CCSER1: variants seen among roughly 807,000 people sequenced by gnomAD.
CCSER1 encodes coiled-coil serine rich protein 1.
A neutral mutation model predicts 82.0 loss-of-function variants in CCSER1; 41 were observed. That is an observed-to-expected ratio of 0.50 (90% CI 0.39 to 0.65). The LOEUF (loss-of-function observed/expected upper bound fraction) is 0.65, where lower values mean the gene tolerates loss of function less well. Ranked by LOEUF, CCSER1 falls within the 30% of genes least tolerant of loss-of-function variation. The pLI, the probability that CCSER1 is intolerant of heterozygous loss-of-function variation, is 0.00. For missense variants in CCSER1, 1,119 were observed against 1,064.2 expected (o/e 1.05, Z -0.72); for synonymous variants, 414 against 383.9 (o/e 1.08, Z -0.92).
intron 10 of CCSER1, among the ~76,000 whole-genome samples, chr4:91,348,037 T>C (rs191696357): frequency 3.9e-5 from 6 of 152,248 alleles, no homozygotes; most frequent in Admixed American, 3.9e-4. Context: ...AAGAACAGAC[T>C]TCCTTGCCTT....
chr4:90,757,426 A>G (rs1390605294), intron 7 of CCSER1, among the ~76,000 whole-genome samples: 1 of 152,226 alleles, frequency 6.6e-6, no homozygotes, highest in Non-Finnish European at 1.5e-5. Context: ...CTTCTGATTT[A>G]TAAGGTCAGA....
chr4:91,052,365 G>A (rs1488123089), intron 9 of CCSER1, among the ~76,000 whole-genome samples: 3 of 152,042 alleles, frequency 2.0e-5, no homozygotes, highest in Non-Finnish European at 4.4e-5. Flanking sequence ...TTAGGTTCAT[G>A]ATCATTGTTT....
chr4:91,553,265 G>T (rs1762245707), intron 10 of CCSER1, among the ~76,000 whole-genome samples: 1 of 151,348 alleles, frequency 6.6e-6, no homozygotes, highest in African/African-American at 2.4e-5. Flanking sequence ...CATAGTGTAT[G>T]ATCCTTTTCA....
intron 10 of CCSER1, among the ~76,000 whole-genome samples, chr4:91,141,382 C>T (rs1729013034): frequency 6.6e-6 from 1 of 152,136 alleles, no homozygotes; most frequent in African/African-American, 2.4e-5. Context: ...GAACTCCTGA[C>T]CTCAGGTGAT....
chr4:91,314,164 G>T (rs572745395), intron 10 of CCSER1, among the ~76,000 whole-genome samples: 11 of 152,016 alleles, frequency 7.2e-5, no homozygotes, highest in Admixed American at 2.6e-4. Context: ...ACCCAGTTAT[G>T]AAAACAAGTG....
chr4:91,438,030 G>T (rs985516743), intron 10 of CCSER1, among the ~76,000 whole-genome samples: 3 of 152,192 alleles, frequency 2.0e-5, no homozygotes, highest in Non-Finnish European at 1.5e-5. Flanking sequence ...GCCTGCCTCT[G>T]TAGGCTCCAC....
intron 5 of CCSER1, among the ~76,000 whole-genome samples, chr4:90,625,541 A>T (rs1483214298): frequency 1.3e-5 from 2 of 152,098 alleles, no homozygotes; most frequent in African/African-American, 4.8e-5. Context: ...CTATTTTTTC[A>T]TGTAGAGATA....
chr4:90,573,487 G>C (rs1249525476), intron 5 of CCSER1, among the ~76,000 whole-genome samples: 2 of 152,178 alleles, frequency 1.3e-5, no homozygotes, highest in East Asian at 1.9e-4. Flanking sequence ...TCTCTATGCT[G>C]CACTGTCTTG....
In CCSER1 at chr4:91,540,340, A is replaced by G. The variant is rs1366325966; in HGVS notation, c.2218-58232A>G. ...GCAAAGTATTCACCACTGTAATATC[A>G]TGTAGAATTATTTCAATGTCATTAA... On this transcript the variant is annotated intron_variant, in intron 10 of 10. Coordinates refer to ENST00000509176, the MANE Select transcript of CCSER1 (RefSeq NM_001145065.2). Among the ~76,000 whole-genome samples the G allele has an allele frequency of 2.6e-5, 4 of 152,138 alleles. No individual in the cohort carries two copies. The East Asian group carries it at 5.8e-4, about 22-fold the overall frequency.
At chr4:91,127,618 G>A (rs1727631096) in intron 10 of CCSER1, among the ~76,000 whole-genome samples, 1 of 151,896 alleles carries the variant, frequency 6.6e-6, no homozygotes, top group African/African-American at 2.4e-5. Context: ...AAAAATACAA[G>A]AGAAATGTCC....
At chr4:91,557,394 A>T (rs1168261563) in intron 10 of CCSER1, among the ~76,000 whole-genome samples, 1 of 151,468 alleles carries the variant, frequency 6.6e-6, no homozygotes, top group Admixed American at 6.6e-5. Flanking sequence ...TTCATTTTTA[A>T]AATTCATTCA....
chr4:90,280,790 T>TTTCACCTA (rs1553986415), intron 1 of CCSER1, among the ~76,000 whole-genome samples: 3 of 150,960 alleles, frequency 2.0e-5, no homozygotes, highest in African/African-American at 7.3e-5. Context: ...GGAGAAGGTC[T>TTTCACCTA]TTAATCTAAA....
chr4:90,799,212 G>A lies in CCSER1; in HGVS notation c.2011-16550G>A, dbSNP rs75685504. Among the ~76,000 whole-genome samples, 70 of 152,242 alleles carry A rather than the reference G, an allele frequency of 4.6e-4. 1 individual carries two copies. In the East Asian group the frequency reaches 0.011, roughly 25 times the overall value. ...TTCTCTGTGTCCCGGAAGGTGGAGT[G>A]GTCACTCAGTACGAGGGAGGATCTG... On this transcript the variant is annotated intron_variant, in intron 7 of 10. Coordinates refer to ENST00000509176, the MANE Select transcript of CCSER1 (RefSeq NM_001145065.2).
chr4:91,279,404 CTA>C (rs966957468), intron 10 of CCSER1, among the ~76,000 whole-genome samples: 3 of 152,008 alleles, frequency 2.0e-5, no homozygotes, highest in Admixed American at 2.0e-4. Flanking sequence ...TTATGGTATC[CTA>C]TATGTCTCAT....
In CCSER1 at chr4:91,133,896, C is replaced by G. The variant is rs149040074; in HGVS notation, c.2217+47902C>G. Among the ~76,000 whole-genome samples the G allele has an allele frequency of 3.6e-3, 542 of 152,168 alleles. 3 individuals are homozygous for G. The highest frequency in any genetic ancestry group is 0.012 in the African/African-American group (514 of 41,512). ...CAGGCGGATCATGAGGTCAGGAGTT[C>G]AAGACCAGCCTGACCAACATAGTGA... On this transcript the variant is annotated intron_variant, in intron 10 of 10. Transcript: ENST00000509176.
intron 1 of CCSER1, among the ~76,000 whole-genome samples, chr4:90,237,072 T>A (rs1487508495): frequency 6.6e-6 from 1 of 152,172 alleles, no homozygotes; most frequent in Non-Finnish European, 1.5e-5. Context: ...TGTAAAGAAG[T>A]CTATTTATAG....
rs190764375 is a variant in CCSER1, at chr4:91,152,960, T to C, written c.2217+66966T>C. On this transcript the variant is annotated intron_variant, in intron 10 of 10. Coordinates refer to ENST00000509176, the MANE Select transcript of CCSER1 (RefSeq NM_001145065.2). Reference sequence around the variant, plus strand: ...CCCTCAACATTTTTTCCTTCATTTCTACTTTGGTGAATCTAACAATTATGT... The same window carrying C: ...CCCTCAACATTTTTTCCTTCATTTCCACTTTGGTGAATCTAACAATTATGT... 2.6e-5 allele frequency among the ~76,000 whole-genome samples: 4 copies of C among 152,080 alleles called. No homozygotes were observed. In the East Asian group the frequency reaches 7.7e-4, roughly 29 times the overall value.
At chr4:90,865,640 T>C (rs535368426) in intron 8 of CCSER1, among the ~76,000 whole-genome samples, 1 of 152,194 alleles carries the variant, frequency 6.6e-6, no homozygotes, top group South Asian at 2.1e-4. Context: ...TATATCCTCC[T>C]ATTTTTTTGC....
intron 5 of CCSER1, among the ~76,000 whole-genome samples, chr4:90,533,361 C>T (rs976121464): frequency 1.6e-4 from 25 of 152,148 alleles, no homozygotes; most frequent in Admixed American, 1.3e-3. Context: ...TCCCAAAGTG[C>T]TGGGATTACA....
Sources: allele counts gnomAD v4.1 joint callset (sites outside exome capture counted in the v4.1 genomes callset), GRCh38; gene constraint gnomAD v4.1.1; transcripts MANE v1.5; gene names NCBI Gene and HGNC (gene_info 2026-07-23, HGNC 2026-07-21).